GIMAP8: variants seen among roughly 807,000 people sequenced by gnomAD.
The protein encoded by GIMAP8 is GTPase IMAP family member 8.
GIMAP8 carries 29 observed loss-of-function variants against 35.6 expected under a neutral mutation model. That is an observed-to-expected ratio of 0.81 (90% CI 0.61 to 1.11). GIMAP8 has a LOEUF of 1.11. Among genes scored for constraint, GIMAP8 ranks in the 50% most tolerant of loss-of-function variants. The probability of loss-of-function intolerance (pLI) is 0.00; values close to 1 mark genes in which losing one functional copy is unlikely to be tolerated. For missense variants in GIMAP8, 811 were observed against 805.0 expected (o/e 1.01, Z -0.09); for synonymous variants, 335 against 308.7 (o/e 1.09, Z -0.89).
In GIMAP8 at chr7:150,466,707, G is replaced by A; in HGVS notation, c.9G>A (p.Glu3=). MS[E]QSCQMSELRL... is the part of the protein sequence containing the mutation. ...GCCTGTGTCAGGAAAGCATGTCAGA[G>A]CAGAGCTGCCAGATGTCCGAACTGC... Residue 3 remains glutamate, a synonymous_variant, in exon 2 of 5, where the codon GAG becomes GAA. Coordinates refer to ENST00000307271, the MANE Select transcript of GIMAP8 (RefSeq NM_175571.4). 2 of 1,613,922 alleles carry A rather than the reference G, an allele frequency of 1.2e-6. No individual in the cohort carries two copies. Among genetic ancestry groups the A allele is most frequent in the Non-Finnish European group, 1.7e-6 (2 of 1,179,984 alleles).
rs768286792 is a variant in GIMAP8 at position 150,474,473 on chromosome 7, A to G, written c.1144A>G (p.Asn382Asp). 26 of 1,613,858 alleles carry G rather than the reference A, an allele frequency of 1.6e-5. No homozygotes were observed. The highest frequency in any genetic ancestry group is 2.2e-5 in the Non-Finnish European group (26 of 1,179,896). The change falls in exon 4 of 5, where the codon AAT becomes GAT. Residue 382 changes from asparagine to aspartate, a missense_variant. Transcript: ENST00000307271. ...TCTAGATACGTTCTTAAGAAACAGC[A>G]ATAAAGCTCTCTATGGTCTCATCCA... ...QDLDTFLRNS[N>D]KALYGLIQKC...
intron 1 of GIMAP8, among the ~76,000 whole-genome samples, chr7:150,458,539 A>T (rs73726132): frequency 0.021 from 3,159 of 152,242 alleles, 125 homozygotes; most frequent in African/African-American, 0.073. Flanking sequence ...AGGCTCCATG[A>T]CCCAGACAAA....
At chr7:150,476,994 G>C (rs1802243575) in intron 4 of GIMAP8, 98 bp from the exon 5 acceptor site, 1 of 918,560 alleles carries the variant, frequency 1.1e-6, no homozygotes, top group African/African-American at 1.6e-5. Context: ...TGAACATGCT[G>C]TTTACTTTAG....
chr7:150,468,843 G>A (rs1467031499), intron 2 of GIMAP8, among the ~76,000 whole-genome samples: 1 of 152,048 alleles, frequency 6.6e-6, no homozygotes, highest in Non-Finnish European at 1.5e-5. Flanking sequence ...TTAAGTCCTC[G>A]TGACAACCCT....
rs1802114407 is a variant in GIMAP8, at chr7:150,472,517, G to A, written c.683-1495G>A. Among the ~76,000 whole-genome samples the A allele has an allele frequency of 6.6e-6, 1 of 152,196 alleles. No individual in the cohort carries two copies. Among genetic ancestry groups the A allele is most frequent in the Non-Finnish European group, 1.5e-5 (1 of 68,034 alleles). On this transcript the variant is annotated intron_variant, in intron 3 of 4. Coordinates refer to ENST00000307271, the MANE Select transcript of GIMAP8 (RefSeq NM_175571.4). The surrounding 1 kb of genome is among the most constrained non-coding windows in gnomAD (Gnocchi z 4.1). ...TGGATGAGAGACAGGAGGGTGCCAT[G>A]GCCTTGCTGTGGAGGCCAGACCAGC...
In GIMAP8 at chr7:150,465,025, C is replaced by T. The variant is rs575085208; in HGVS notation, c.-28-1646C>T. 2.0e-5 allele frequency among the ~76,000 whole-genome samples: 3 copies of T among 152,304 alleles called. No homozygotes were observed. In the South Asian group the frequency reaches 6.2e-4, roughly 32 times the overall value. On this transcript the variant is annotated intron_variant, in intron 1 of 4. Transcript: ENST00000307271. Reference sequence around the variant, plus strand: ...CCCACAACATTGTCCTCATGTGTGTCACATTCTTATCTGCTTGCTGCATCT... The same window carrying T: ...CCCACAACATTGTCCTCATGTGTGTTACATTCTTATCTGCTTGCTGCATCT...
intron 3 of GIMAP8, among the ~76,000 whole-genome samples, chr7:150,471,457 T>C (rs370177271): frequency 2.8e-4 from 43 of 152,230 alleles, no homozygotes; most frequent in Middle Eastern, 3.2e-3. Context: ...GCTCTGAGTA[T>C]CCAGTCGTGA....
chr7:150,465,812 A>G (rs1801944392), intron 1 of GIMAP8, among the ~76,000 whole-genome samples: 1 of 152,218 alleles, frequency 6.6e-6, no homozygotes. Context: ...ATATACTGAA[A>G]TCGTACCACT....
At chr7:150,470,746 CTTTTTT>C (rs765100972) in intron 2 of GIMAP8, 77 bp from the exon 3 acceptor site, 159 of 467,736 alleles carry the variant, frequency 3.4e-4, no homozygotes, top group Admixed American at 1.3e-3. Context: ...CTTCAATTTC[CTTTTTT>C]TTTTTTTTTT....
intron 2 of GIMAP8, among the ~76,000 whole-genome samples, chr7:150,470,087 T>C (rs1802055304): frequency 6.6e-6 from 1 of 152,202 alleles, no homozygotes; most frequent in South Asian, 2.1e-4. Context: ...ATTATGGACA[T>C]TTACCTCATA....
chr7:150,470,662 C>G (rs1252941749), intron 2 of GIMAP8, among the ~76,000 whole-genome samples, 167 bp from the exon 3 acceptor site: 1 of 149,056 alleles, frequency 6.7e-6, no homozygotes, highest in Non-Finnish European at 1.5e-5. Context: ...GACAGGTCCA[C>G]AAAGACCAAC....
chr7:150,456,797 G>A (rs748950379), intron 1 of GIMAP8, among the ~76,000 whole-genome samples: 40 of 152,190 alleles, frequency 2.6e-4, no homozygotes, highest in South Asian at 4.1e-4. Flanking sequence ...ATGGAAAAAT[G>A]TTAAAATTAG....
intron 1 of GIMAP8, among the ~76,000 whole-genome samples, chr7:150,457,286 G>T (rs1225260189): frequency 1.3e-5 from 2 of 152,222 alleles, no homozygotes; most frequent in Non-Finnish European, 2.9e-5. Context: ...CCCTGGGTGG[G>T]CCAGGTGTTC....
chr7:150,476,543 T>A (rs1802233261), intron 4 of GIMAP8, among the ~76,000 whole-genome samples: 1 of 152,260 alleles, frequency 6.6e-6, no homozygotes, highest in Non-Finnish European at 1.5e-5. Flanking sequence ...TTTTTACATG[T>A]CCTAACTAAG....
At chr7:150,462,171 G>A (rs185407114) in intron 1 of GIMAP8, among the ~76,000 whole-genome samples, 1 of 152,114 alleles carries the variant, frequency 6.6e-6, no homozygotes, top group African/African-American at 2.4e-5. Flanking sequence ...GATTAATTAG[G>A]GTGGGGCAGA....
In GIMAP8 at chr7:150,467,079, G is replaced by A; in HGVS notation, c.381G>A (p.Arg127=). ...AAGTGTTTGGAGCTGAAGCCAGGAG[G>A]CACATCATTATTGTCTTCACTCGGA... ...IQQVFGAEAR[R]HIIIVFTRKD... Residue 127 remains arginine, a synonymous_variant, in exon 2 of 5, where the codon AGG becomes AGA. Coordinates refer to ENST00000307271, the MANE Select transcript of GIMAP8 (RefSeq NM_175571.4). 6.2e-7 allele frequency: 1 copy of A among 1,614,196 alleles called. No individual in the cohort carries two copies. The highest frequency in any genetic ancestry group is 1.3e-5 in the African/African-American group (1 of 75,056).
intron 1 of GIMAP8, among the ~76,000 whole-genome samples, chr7:150,458,944 A>G (rs1289172633): frequency 6.6e-5 from 10 of 152,210 alleles, no homozygotes; most frequent in Admixed American, 6.5e-4. Context: ...CATTCCTGTA[A>G]CTAGTCACGT....
At chr7:150,459,884 G>A (rs1228643400) in intron 1 of GIMAP8, among the ~76,000 whole-genome samples, 1 of 152,228 alleles carries the variant, frequency 6.6e-6, no homozygotes, top group African/African-American at 2.4e-5. Flanking sequence ...TGTGTGCAGG[G>A]AAGGCAAATC....
At chr7:150,464,163 C>T (rs560039197) in intron 1 of GIMAP8, among the ~76,000 whole-genome samples, 14 of 152,262 alleles carry the variant, frequency 9.2e-5, no homozygotes, top group Non-Finnish European at 1.9e-4. Context: ...ACATTAGCTT[C>T]AGATGGACAC....
Sources: allele counts gnomAD v4.1 joint callset (sites outside exome capture counted in the v4.1 genomes callset), GRCh38; gene constraint gnomAD v4.1.1; non-coding constraint Gnocchi (gnomAD v3.1); transcripts MANE v1.5; gene names NCBI Gene and HGNC (gene_info 2026-07-23, HGNC 2026-07-21).